Variants in PCDHGA4 observed in about 807,000 individuals in gnomAD.
PCDHGA4 encodes the protein protocadherin gamma subfamily A, 4, also known as protocadherin gamma-A4.
Under a neutral mutation model 54.6 loss-of-function variants are expected in PCDHGA4, and 38 were observed. The observed-to-expected ratio is 0.70, with a 90% confidence interval of 0.54 to 0.91. The LOEUF is 0.91. PCDHGA4 is among the 40% of genes least tolerant of loss of function. PCDHGA4 has a pLI of 0.00. For synonymous variants in PCDHGA4, 511 were observed against 512.9 expected, an observed-to-expected ratio of 1.00 and a Z score of 0.05; for missense variants, 1,298 against 1,220.9, an observed-to-expected ratio of 1.06 and a Z score of -0.94.
chr5:141,370,407 T>C lies in PCDHGA4; in HGVS notation c.2514+12786T>C. 4 of 1,561,028 alleles carry C rather than the reference T, an allele frequency of 2.6e-6. No individual in the cohort carries two copies. The Admixed American group carries it at 5.9e-5, about 23-fold the overall frequency. ...CGCAGAGAGCGGGATGGGAAATAGCTCCGGATGGAGGGGCCCAGCAGGGCA... is the reference window on the plus strand; with the variant it reads ...CGCAGAGAGCGGGATGGGAAATAGCCCCGGATGGAGGGGCCCAGCAGGGCA... On this transcript the variant is annotated intron_variant, in intron 1 of 3. Transcript: ENST00000571252.
At chr5:141,362,022 G>A (rs769844077) in intron 1 of PCDHGA4, 1 of 1,607,598 alleles carries the variant, frequency 6.2e-7, no homozygotes, top group African/African-American at 1.3e-5. Context: ...TGCGCACAGC[G>A]CGTGCCTTGG....
intron 1 of PCDHGA4, chr5:141,414,606 A>C: frequency 6.2e-7 from 1 of 1,613,944 alleles, no homozygotes; most frequent in Non-Finnish European, 8.5e-7. Flanking sequence ...CCATCTTCTC[A>C]GTGACAGCGC....
chr5:141,393,087 C>T (rs1244090890), intron 1 of PCDHGA4: 1 of 1,613,628 alleles, frequency 6.2e-7, no homozygotes, highest in African/African-American at 1.3e-5. Flanking sequence ...CAGGATAGAT[C>T]GGGAGGAGCT....
intron 1 of PCDHGA4, chr5:141,374,849 C>T: frequency 6.2e-7 from 1 of 1,613,754 alleles, no homozygotes; most frequent in Non-Finnish European, 8.5e-7. Context: ...TGAAAACCTG[C>T]CAGTAGGCAC....
At chr5:141,359,403 T>A (rs537234206) in intron 1 of PCDHGA4, among the ~76,000 whole-genome samples, 7 of 152,150 alleles carry the variant, frequency 4.6e-5, no homozygotes, top group South Asian at 4.2e-4. Flanking sequence ...TCAAATTTTT[T>A]AAAAAATGTG....
At chr5:141,361,464 C>T (rs1214574906) in intron 1 of PCDHGA4, 9 of 1,613,932 alleles carry the variant, frequency 5.6e-6, no homozygotes, top group Middle Eastern at 3.3e-4. Flanking sequence ...TGCACATCTC[C>T]GACGTCAACG....
rs143737031 is a variant in PCDHGA4 at position 141,454,359 on chromosome 5, G to C, written c.2515-40448G>C. Among the ~76,000 whole-genome samples, 105 of 152,200 alleles carry C rather than the reference G, an allele frequency of 6.9e-4. No individual in the cohort carries two copies. In the East Asian group the frequency reaches 0.014, roughly 20 times the overall value. ...AATGTTGGAAGTTGATCCAAACTTA[G>C]AAAGGAGTATGGCAACTTGTCAAGA... On this transcript the variant is annotated intron_variant, in intron 1 of 3. Coordinates refer to ENST00000571252, the MANE Select transcript of PCDHGA4 (RefSeq NM_018917.4).
chr5:141,409,312 AAC>A (rs762706827), intron 1 of PCDHGA4: 39 of 1,613,880 alleles, frequency 2.4e-5, no homozygotes, highest in Admixed American at 1.7e-4. Flanking sequence ...CCCTCTTCAA[AAC>A]ACGGGATCTG....
At chr5:141,372,234 C>A in intron 1 of PCDHGA4, 1 of 1,613,350 alleles carries the variant, frequency 6.2e-7, no homozygotes. Context: ...GGCCAGCGAG[C>A]CCGGGCTGTT....
At position 141,431,783 on chromosome 5, in the gene PCDHGA4, G is replaced by T; in HGVS notation, c.2515-63024G>T. 2 of 1,614,174 alleles carry T rather than the reference G, an allele frequency of 1.2e-6. No homozygotes were observed. Among genetic ancestry groups the T allele is most frequent in the East Asian group, 2.2e-5 (1 of 44,878 alleles). On this transcript the variant is annotated intron_variant, in intron 1 of 3. Transcript: ENST00000571252. The surrounding 1 kb of genome is among the most constrained non-coding windows in gnomAD (Gnocchi z 4.8). Reference sequence around the variant, plus strand: ...CCTGATCACTGTTCTGGACGTGAACGACAATGCCCCAGAAGTGGTCCTCAC... The same window carrying T: ...CCTGATCACTGTTCTGGACGTGAACTACAATGCCCCAGAAGTGGTCCTCAC...
intron 1 of PCDHGA4, chr5:141,479,478 G>T (rs760475025): frequency 2.6e-5 from 4 of 152,408 alleles, no homozygotes; most frequent in African/African-American, 9.6e-5. Context: ...TCTTGGGAGG[G>T]CAGGACCATC....
At chr5:141,379,876 T>C (rs1775908667) in intron 1 of PCDHGA4, among the ~76,000 whole-genome samples, 1 of 146,348 alleles carries the variant, frequency 6.8e-6, no homozygotes, top group African/African-American at 2.5e-5. Flanking sequence ...TATTTTATGG[T>C]CTGTGAAAGC....
chr5:141,503,130 C>A (rs1406819266), intron 2 of PCDHGA4, among the ~76,000 whole-genome samples: 1 of 151,980 alleles, frequency 6.6e-6, no homozygotes, highest in Non-Finnish European at 1.5e-5. Context: ...CCTCTGGTAG[C>A]CCCTGACACA....
Position 141,489,088 on chromosome 5 carries a change from G to GCCA in PCDHGA4, c.2515-5719_2515-5718insCCA. ...CCCCTGCCCACCCCCGCCACTCGGTGACTAAGAACTGCTGCAAGCAGGCAA... is the reference window on the plus strand; with the variant it reads ...CCCCTGCCCACCCCCGCCACTCGGTGCCAACTAAGAACTGCTGCAAGCAGGCAA... On this transcript the variant is annotated intron_variant, in intron 1 of 3. Coordinates refer to ENST00000571252, the MANE Select transcript of PCDHGA4 (RefSeq NM_018917.4). This position sits in a 1 kb window ranked among gnomAD's most constrained non-coding sequence, Gnocchi z 4.5. The GCCA allele has an allele frequency of 2.9e-6, 1 of 347,238 alleles. No individual in the cohort carries two copies. 21.5% of individuals were successfully genotyped at this position (347,238 alleles called of 1,614,324 possible). A position where few individuals can be genotyped will look rare whatever the true frequency, so the allele number is the denominator to read the frequency against.
At chr5:141,384,650 C>G (rs1213467381) in intron 1 of PCDHGA4, 4 of 1,614,222 alleles carry the variant, frequency 2.5e-6, no homozygotes, top group Non-Finnish European at 3.4e-6. Context: ...TCCGCAGAGC[C>G]CGGCTACCTG....
intron 1 of PCDHGA4, among the ~76,000 whole-genome samples, chr5:141,435,783 G>A (rs1273339025): frequency 6.6e-6 from 1 of 152,124 alleles, no homozygotes; most frequent in Non-Finnish European, 1.5e-5. Context: ...TAAAGGTGCA[G>A]GGAAACATAA....
intron 1 of PCDHGA4, chr5:141,373,837 A>C (rs1457844906): frequency 9.4e-6 from 4 of 427,674 alleles, no homozygotes; most frequent in East Asian, 3.5e-5. Flanking sequence ...GTATTAAGTT[A>C]GGACTCTAAG....
chr5:141,505,509 G>A (rs778054090), intron 3 of PCDHGA4, 28 bp downstream of exon 3: 1 of 1,613,940 alleles, frequency 6.2e-7, no homozygotes, highest in Non-Finnish European at 8.5e-7. Context: ...GTGTATGGAA[G>A]AGTGGGAGAC....
At chr5:141,422,458 C>T (rs375149811) in intron 1 of PCDHGA4, 264 of 1,613,148 alleles carry the variant, frequency 1.6e-4, no homozygotes, top group Non-Finnish European at 2.1e-4. Context: ...AAGCAGAGTG[C>T]TGGACAGGGA....
Sources: gnomAD v4.1 joint callset for allele counts (sites outside exome capture counted in the v4.1 genomes callset) on GRCh38, gnomAD v4.1.1 for gene constraint, Gnocchi (gnomAD v3.1) non-coding constraint, MANE v1.5 for transcripts, NCBI Gene and HGNC (gene_info 2026-07-23, HGNC 2026-07-21) for gene names.